Variants in EDIL3 observed in about 807,000 individuals in gnomAD.
EDIL3 encodes EGF like and discoidin domains 3.
EDIL3 carries 37 observed loss-of-function variants against 67.4 expected under a neutral mutation model. The observed-to-expected ratio is 0.55, with a 90% CI of 0.42 to 0.72. The LOEUF is 0.72. Ranked by LOEUF, EDIL3 falls within the 30% of genes least tolerant of loss-of-function variation. The pLI, the probability that EDIL3 is intolerant of heterozygous loss-of-function variation, is 0.00. For synonymous variants in EDIL3, 195 were observed against 196.3 expected, an observed-to-expected ratio of 0.99 and a Z score of 0.05; for missense variants, 527 against 586.3, an observed-to-expected ratio of 0.90 and a Z score of 1.04.
rs191475753 is a variant in EDIL3 at position 84,032,336 on chromosome 5, A to G, written c.1137+27964T>C. 1.6e-3 allele frequency among the ~76,000 whole-genome samples: 246 copies of G among 152,342 alleles called. 2 individuals are homozygous for G. Among genetic ancestry groups the G allele is most frequent in the African/African-American group, 5.6e-3 (234 of 41,590 alleles). ...AATGTTAGTGCTCATTTTAAAATTAAAACTATTCATAAAATAGAACTATTA... is the reference window on the plus strand; with the variant it reads ...AATGTTAGTGCTCATTTTAAAATTAGAACTATTCATAAAATAGAACTATTA... On this transcript the variant is annotated intron_variant, in intron 9 of 10. Coordinates refer to ENST00000296591, the MANE Select transcript of EDIL3 (RefSeq NM_005711.5).
intron 4 of EDIL3, among the ~76,000 whole-genome samples, chr5:84,152,297 C>A (rs759391562): frequency 2.0e-5 from 3 of 152,238 alleles, no homozygotes; most frequent in Non-Finnish European, 2.9e-5. Context: ...TTATTAATTT[C>A]TTTTAATATA....
intron 9 of EDIL3, among the ~76,000 whole-genome samples, chr5:84,019,123 C>G (rs1745662854): frequency 6.6e-6 from 1 of 152,092 alleles, no homozygotes; most frequent in African/African-American, 2.4e-5. Context: ...CTATTCAGAA[C>G]AGCAAAGACT....
chr5:84,152,165 G>T (rs1039341449), intron 4 of EDIL3, among the ~76,000 whole-genome samples: 2 of 151,990 alleles, frequency 1.3e-5, no homozygotes, highest in Non-Finnish European at 2.9e-5. Flanking sequence ...TGATCCACCC[G>T]CCTCAGCCTC....
intron 1 of EDIL3, among the ~76,000 whole-genome samples, chr5:84,317,333 G>T (rs1746534412): frequency 6.6e-6 from 1 of 151,988 alleles, no homozygotes; most frequent in Non-Finnish European, 1.5e-5. Flanking sequence ...CTGATTTTTT[G>T]AAAAGATCAA....
rs544906148 is a variant in EDIL3, at chr5:84,025,096, T to C, written c.1137+35204A>G. Among the ~76,000 whole-genome samples, 6 of 152,270 alleles carry C rather than the reference T, an allele frequency of 3.9e-5. No individual in the cohort carries two copies. The South Asian group carries it at 1.0e-3, about 26-fold the overall frequency. ...TGGATTATGTCCCCACCCTTAAATGTATCCCTTGAAATGAGTTTACCTTGA... is the reference window on the plus strand; with the variant it reads ...TGGATTATGTCCCCACCCTTAAATGCATCCCTTGAAATGAGTTTACCTTGA... On this transcript the variant is annotated intron_variant, in intron 9 of 10. Transcript: ENST00000296591.
At chr5:84,251,273 C>T (rs1283628947) in intron 2 of EDIL3, among the ~76,000 whole-genome samples, 5 of 151,896 alleles carry the variant, frequency 3.3e-5, no homozygotes, top group Admixed American at 1.3e-4. Context: ...TTATTGTGCC[C>T]GGTTAATTTT....
intron 5 of EDIL3, among the ~76,000 whole-genome samples, chr5:84,113,723 G>C (rs979462080): frequency 3.3e-5 from 5 of 152,160 alleles, no homozygotes; most frequent in Non-Finnish European, 7.3e-5. Context: ...GAGATGCACA[G>C]CTGAATCCGC....
intron 9 of EDIL3, among the ~76,000 whole-genome samples, chr5:83,984,897 T>C (rs1346515747): frequency 1.3e-5 from 2 of 151,782 alleles, no homozygotes; most frequent in African/African-American, 4.8e-5. Flanking sequence ...TAATACATTA[T>C]AGCATTAAGC....
At chr5:84,039,933 G>C (rs901657208) in intron 9 of EDIL3, among the ~76,000 whole-genome samples, 1 of 152,008 alleles carries the variant, frequency 6.6e-6, no homozygotes, top group African/African-American at 2.4e-5. Context: ...CAGTTTTACA[G>C]GGAACTTAGT....
chr5:84,142,572 A>G (rs61031507), intron 4 of EDIL3, among the ~76,000 whole-genome samples: 1 of 151,984 alleles, frequency 6.6e-6, no homozygotes, highest in Non-Finnish European at 1.5e-5. Context: ...GCTACATTTA[A>G]TTCACCAACA....
intron 1 of EDIL3, among the ~76,000 whole-genome samples, chr5:84,321,568 GCTCCTCATT>G (rs1420263724): frequency 1.3e-5 from 2 of 152,128 alleles, no homozygotes; most frequent in Non-Finnish European, 2.9e-5. Flanking sequence ...CACAATAGCA[GCTCCTCATT>G]CTCAACCCTC....
intron 2 of EDIL3, among the ~76,000 whole-genome samples, chr5:84,230,477 G>A (rs963692679): frequency 2.0e-5 from 3 of 151,248 alleles, no homozygotes; most frequent in East Asian, 1.9e-4. Context: ...GCACAATCTC[G>A]GCTCACTGCA....
chr5:84,333,721 T>C (rs1461055419), intron 1 of EDIL3, among the ~76,000 whole-genome samples: 1 of 152,168 alleles, frequency 6.6e-6, no homozygotes, highest in Non-Finnish European at 1.5e-5. Context: ...GTACGTTCTA[T>C]TTCCTACTAT....
At position 84,065,168 on chromosome 5, in the gene EDIL3, A is replaced by G. The variant is rs111720714; in HGVS notation, c.808-324T>C. On this transcript the variant is annotated intron_variant, in intron 7 of 10. Transcript: ENST00000296591. ...AGAAATGGACACCTTAAATCCTTCA[A>G]TTTAATCTGGGACTGTCTGCTCATT... Among the ~76,000 whole-genome samples, 169 of 152,234 alleles carry G rather than the reference A, an allele frequency of 1.1e-3. 1 individual carries two copies. Among genetic ancestry groups the G allele is most frequent in the African/African-American group, 3.8e-3 (157 of 41,556 alleles).
At chr5:84,329,113 C>CA (rs1561258957) in intron 1 of EDIL3, among the ~76,000 whole-genome samples, 1 of 151,916 alleles carries the variant, frequency 6.6e-6, no homozygotes, top group Admixed American at 6.6e-5. Context: ...GCTTTGAGAA[C>CA]AAAAAATTGT....
chr5:84,333,969 A>C (rs553465487), intron 1 of EDIL3, among the ~76,000 whole-genome samples: 3 of 152,240 alleles, frequency 2.0e-5, no homozygotes, highest in East Asian at 3.9e-4. Flanking sequence ...CCTGTCCAGA[A>C]GGTCAAAAGT....
chr5:84,090,127 C>A (rs772941666), intron 6 of EDIL3, among the ~76,000 whole-genome samples: 2 of 152,110 alleles, frequency 1.3e-5, no homozygotes, highest in Non-Finnish European at 2.9e-5. Context: ...AAAATCCAAT[C>A]CCTTGGAAAC....
chr5:84,259,486 G>A (rs1239834813), intron 1 of EDIL3, among the ~76,000 whole-genome samples: 1 of 152,172 alleles, frequency 6.6e-6, no homozygotes, highest in Non-Finnish European at 1.5e-5. Context: ...TTCTAACCAT[G>A]TTTTATGGTT....
chr5:84,202,726 G>A (rs538329309), intron 3 of EDIL3, among the ~76,000 whole-genome samples: 1 of 152,250 alleles, frequency 6.6e-6, no homozygotes, highest in South Asian at 2.1e-4. Context: ...GCTGATGGCT[G>A]AAAATGAAAG....
Sources: gnomAD v4.1 joint callset for allele counts (sites outside exome capture counted in the v4.1 genomes callset) on GRCh38, gnomAD v4.1.1 for gene constraint, MANE v1.5 for transcripts, NCBI Gene and HGNC (gene_info 2026-07-23, HGNC 2026-07-21) for gene names.